The following GJA8 variants were observed in gnomAD, a reference collection of about 807,000 sequenced individuals.
The protein encoded by GJA8 is gap junction alpha-8 protein.
In GJA8, 13 loss-of-function variants were observed where a neutral mutation model predicts 15.3. That is an observed-to-expected ratio of 0.85 (90% CI 0.55 to 1.35). The LOEUF (loss-of-function observed/expected upper bound fraction) is 1.35. Ranked by LOEUF, GJA8 falls within the 40% of genes most tolerant of loss-of-function variation. The pLI, the probability that GJA8 is intolerant of heterozygous loss-of-function variation, is 0.00. For missense variants in GJA8, 607 were observed against 553.3 expected, an observed-to-expected ratio of 1.10 and a Z score of -0.97; for synonymous variants, 304 against 238.7, an observed-to-expected ratio of 1.27 and a Z score of -2.52.
chr1:147,904,049 A>T (rs148260239), intron 1 of GJA8, among the ~76,000 whole-genome samples: 4,393 of 149,564 alleles, frequency 0.029, 85 homozygotes, highest in Non-Finnish European at 0.046. Flanking sequence ...CTCCTGCCCC[A>T]GCCTCCCAAG....
Position 147,909,074 on chromosome 1 carries a change from GA to G in GJA8, c.1120del (p.Thr374ProfsTer35). 6.2e-7 allele frequency: 1 copy of G among 1,607,866 alleles called. No individual in the cohort carries two copies. The highest frequency in any genetic ancestry group is 8.5e-7 in the Non-Finnish European group (1 of 1,176,972). On this transcript the variant is annotated frameshift_variant, in exon 2 of 2. Transcript: ENST00000369235. LOFTEE classifies it high-confidence loss of function. ...CCGTGCCAGAGGGGGAGAAAGTAGA[GA>G]CCCCCGGAGTGGATAAGGAGGGTGA... is the stretch of plus-strand genomic sequence containing the variant. ...VAVPEGEKVE[T>X]PGVDKEGEKE...
In GJA8 at chr1:147,908,766, G is replaced by A. The variant is rs1651938464; in HGVS notation, c.811G>A (p.Glu271Lys). ...AGCCAAGGGCTATCAGCTCCTAGAAGAAGAGAAAATCGTTTCCCACTATTT... is the reference window on the plus strand; with the variant it reads ...AGCCAAGGGCTATCAGCTCCTAGAAAAAGAGAAAATCGTTTCCCACTATTT... ...QKAKGYQLLE[E>K]EKIVSHYFPL... is the part of the protein sequence containing the mutation. Residue 271 changes from glutamate to lysine, a missense_variant, in exon 2 of 2, where the codon GAA (glutamate) becomes AAA (lysine). Transcript: ENST00000369235. The A allele has an allele frequency of 1.2e-6, 2 of 1,614,034 alleles. No individual in the cohort carries two copies. The highest frequency in any genetic ancestry group is 2.2e-5 in the South Asian group (2 of 91,086).
chr1:147,908,273 C>T lies in GJA8; in HGVS notation c.318C>T (p.Arg106=), dbSNP rs1651892192. 6.2e-7 allele frequency: 1 copy of T among 1,614,176 alleles called. No homozygotes were observed. The highest frequency in any genetic ancestry group is 1.6e-4 in the Middle Eastern group (1 of 6,062). ...AVHYVRMEEK[R]KSREAEELGQ... ...ACTACGTCCGCATGGAGGAGAAGCG[C>T]AAAAGCCGCGAGGCGGAGGAGCTGG... The change falls in exon 2 of 2, where the codon CGC becomes CGT. Residue 106 remains arginine (R), a synonymous_variant. Coordinates refer to ENST00000369235, the MANE Select transcript of GJA8 (RefSeq NM_005267.5).
Position 147,908,214 on chromosome 1 carries a change from A to T in GJA8, c.259A>T (p.Thr87Ser), listed in dbSNP as rs782569623. Residue 87 changes from threonine (T) to serine (S), a missense_variant, in exon 2 of 2, where the codon ACC (threonine) becomes TCC (serine). Coordinates refer to ENST00000369235, the MANE Select transcript of GJA8 (RefSeq NM_005267.5). The stretch of plus-strand genomic sequence containing the variant: ...GGTGCTGCAGATCATCTTCGTCTCC[A>T]CCCCGTCCCTGATGTACGTGGGGCA... Reference protein sequence around the residue: ...LWVLQIIFVSTPSLMYVGHAV... With the variant: ...LWVLQIIFVSSPSLMYVGHAV... 6.2e-7 allele frequency: 1 copy of T among 1,613,888 alleles called. No homozygotes were observed. The highest frequency in any genetic ancestry group is 8.5e-7 in the Non-Finnish European group (1 of 1,179,964).
intron 1 of GJA8, among the ~76,000 whole-genome samples, chr1:147,904,501 G>A (rs1424599893): frequency 6.6e-6 from 1 of 152,120 alleles, no homozygotes; most frequent in African/African-American, 2.4e-5. Flanking sequence ...TGGACACCCT[G>A]GGGTTGGAGG....
downstream of GJA8, chr1:147,909,270 G>C: frequency 6.9e-5 from 76 of 1,095,108 alleles, no homozygotes; most frequent in East Asian, 1.0e-4. Context: ...TGACGCCAAA[G>C]AAAAAAAAAA....
In GJA8 at chr1:147,908,099, G is replaced by A; in HGVS notation, c.144G>A (p.Glu48=). The part of the protein sequence containing the change: ...GTAAEFVWGD[E]QSDFVCNTQQ... The stretch of plus-strand genomic sequence containing the variant: ...CCGCAGAGTTCGTGTGGGGGGATGA[G>A]CAATCCGACTTCGTGTGCAACACCC... Residue 48 remains glutamate, a synonymous_variant, in exon 2 of 2, where the codon GAG becomes GAA. Coordinates refer to ENST00000369235, the MANE Select transcript of GJA8 (RefSeq NM_005267.5). 6.2e-7 allele frequency: 1 copy of A among 1,614,220 alleles called. No homozygotes were observed. The highest frequency in any genetic ancestry group is 8.5e-7 in the Non-Finnish European group (1 of 1,180,036).
At chr1:147,903,000 G>T (rs1363907580) in intron 1 of GJA8, among the ~76,000 whole-genome samples, 139 bp downstream of exon 1, 2 of 152,110 alleles carry the variant, frequency 1.3e-5, no homozygotes, top group Non-Finnish European at 2.9e-5. Flanking sequence ...GGGATGGCTA[G>T]ACTTACACTC....
rs1428258720 is a variant in GJA8 at position 147,907,982 on chromosome 1, C to T, written c.27C>T (p.Asn9=). The T allele has an allele frequency of 6.2e-7, 1 of 1,613,880 alleles. No homozygotes were observed. The highest frequency in any genetic ancestry group is 8.5e-7 in the Non-Finnish European group (1 of 1,179,916). ...TGGGCGACTGGAGTTTCCTGGGGAA[C>T]ATCTTGGAGGAGGTGAATGAGCACT... is the stretch of plus-strand genomic sequence containing the variant. MGDWSFLG[N]ILEEVNEHST... The change falls in exon 2 of 2, where the codon AAC becomes AAT. Residue 9 remains asparagine (N), a synonymous_variant. Coordinates refer to ENST00000369235, the MANE Select transcript of GJA8 (RefSeq NM_005267.5).
downstream of GJA8, among the ~76,000 whole-genome samples, chr1:147,913,906 G>A (rs1452369724): frequency 2.0e-5 from 3 of 152,228 alleles, no homozygotes; most frequent in South Asian, 4.1e-4. Flanking sequence ...AAGTGATAGC[G>A]AAATAGGCAA....
chr1:147,903,962 C>G (rs921110606), intron 1 of GJA8, among the ~76,000 whole-genome samples: 1 of 129,506 alleles, frequency 7.7e-6, no homozygotes, highest in Non-Finnish European at 1.6e-5. Flanking sequence ...GACAGAGTCT[C>G]GCTGTGTTGC....
downstream of GJA8, among the ~76,000 whole-genome samples, chr1:147,910,228 A>C (rs1307408128): frequency 1.3e-5 from 2 of 152,214 alleles, no homozygotes; most frequent in African/African-American, 4.8e-5. Flanking sequence ...TAAATACAAC[A>C]TGTGGACCAA....
Position 147,908,243 on chromosome 1 carries a change from G to A in GJA8, c.288G>A (p.Ala96=). 1 of 1,614,190 alleles carries A rather than the reference G, an allele frequency of 6.2e-7. No individual in the cohort carries two copies. Among genetic ancestry groups the A allele is most frequent in the Non-Finnish European group, 8.5e-7 (1 of 1,180,022 alleles). ...STPSLMYVGH[A]VHYVRMEEKR... ...CGTCCCTGATGTACGTGGGGCACGCGGTGCACTACGTCCGCATGGAGGAGA... is the reference window on the plus strand; with the variant it reads ...CGTCCCTGATGTACGTGGGGCACGCAGTGCACTACGTCCGCATGGAGGAGA... Residue 96 remains alanine (A), a synonymous_variant, in exon 2 of 2, where the codon GCG becomes GCA. Coordinates refer to ENST00000369235, the MANE Select transcript of GJA8 (RefSeq NM_005267.5).
chr1:147,913,745 C>T (rs934142039), downstream of GJA8, among the ~76,000 whole-genome samples: 5 of 152,180 alleles, frequency 3.3e-5, no homozygotes, highest in Non-Finnish European at 5.9e-5. Context: ...TCTCTCCTTT[C>T]CCTGACCATG....
chr1:147,903,284 G>A (rs1282801517), intron 1 of GJA8, among the ~76,000 whole-genome samples: 4 of 152,172 alleles, frequency 2.6e-5, no homozygotes, highest in East Asian at 1.9e-4. Context: ...CGGAGGCTTC[G>A]TGCTCAGCAT....
At chr1:147,903,113 A>G (rs1553241848) in intron 1 of GJA8, among the ~76,000 whole-genome samples, 1 of 152,226 alleles carries the variant, frequency 6.6e-6, no homozygotes, top group Non-Finnish European at 1.5e-5. Context: ...GAGATGTCCA[A>G]ACTCAAACTA....
chr1:147,908,863 A>G lies in GJA8; in HGVS notation c.908A>G (p.Lys303Arg). The change falls in exon 2 of 2, where the codon AAG becomes AGG. Residue 303 changes from lysine (K) to arginine (R), a missense_variant. By Grantham distance (26) the Lys-to-Arg change is conservative. Transcript: ENST00000369235. ...PAKPFNQFEE[K>R]ISTGPLGDLS... ...AAGCCTTTCAATCAGTTCGAGGAGA[A>G]GATCAGCACAGGACCCCTGGGGGAC... is the stretch of plus-strand genomic sequence containing the variant. 6.2e-7 allele frequency: 1 copy of G among 1,614,176 alleles called. No homozygotes were observed. The highest frequency in any genetic ancestry group is 8.5e-7 in the Non-Finnish European group (1 of 1,180,044).
intron 1 of GJA8, 57 bp from the exon 2 acceptor site, chr1:147,907,888 T>C (rs1651859520): frequency 2.4e-6 from 3 of 1,231,698 alleles, no homozygotes; most frequent in Middle Eastern, 2.2e-4. Flanking sequence ...AAAACAGATA[T>C]TGACTCAGGG....
At chr1:147,904,846 T>C (rs934777405) in intron 1 of GJA8, among the ~76,000 whole-genome samples, 5 of 152,136 alleles carry the variant, frequency 3.3e-5, no homozygotes, top group Non-Finnish European at 7.4e-5. Context: ...AAACTGTAAC[T>C]AGACATTTAA....
Sources: gnomAD v4.1 joint callset for allele counts (sites outside exome capture counted in the v4.1 genomes callset) on GRCh38, gnomAD v4.1.1 for gene constraint, MANE v1.5 for transcripts, NCBI Gene and HGNC (gene_info 2026-07-23, HGNC 2026-07-21) for gene names.